ASIC2: variants seen among roughly 807,000 people sequenced by gnomAD.
The protein encoded by ASIC2 is acid sensing ion channel subunit 2.
Under a neutral mutation model 57.3 loss-of-function variants are expected in ASIC2, and 25 were observed. That is an observed-to-expected ratio of 0.44 (90% CI 0.32 to 0.61). The LOEUF is 0.61. Ranked by LOEUF, ASIC2 falls within the 20% of genes least tolerant of loss-of-function variation. ASIC2 has a pLI of 0.06. For missense variants in ASIC2, 641 were observed against 738.1 expected (o/e 0.87, Z 1.52); for synonymous variants, 319 against 307.5 (o/e 1.04, Z -0.39).
chr17:33,764,995 A>G (rs1487964076), intron 1 of ASIC2, among the ~76,000 whole-genome samples: 1 of 151,752 alleles, frequency 6.6e-6, no homozygotes, highest in African/African-American at 2.4e-5. Flanking sequence ...ATCATCATCC[A>G]GCACCCGTGT....
At chr17:34,033,025 C>A (rs1030572078) in intron 1 of ASIC2, among the ~76,000 whole-genome samples, 2 of 152,206 alleles carry the variant, frequency 1.3e-5, no homozygotes, top group African/African-American at 4.8e-5. Context: ...TTGTAGACAT[C>A]TACAGAACTC....
At chr17:33,279,000 C>T (rs760871882) in intron 1 of ASIC2, among the ~76,000 whole-genome samples, 1 of 152,142 alleles carries the variant, frequency 6.6e-6, no homozygotes, top group Non-Finnish European at 1.5e-5. Flanking sequence ...GTGAGTTTTG[C>T]GTGGTTGAAA....
At chr17:33,552,609 T>A (rs2347547) in intron 1 of ASIC2, among the ~76,000 whole-genome samples, 1 of 152,216 alleles carries the variant, frequency 6.6e-6, no homozygotes, top group Non-Finnish European at 1.5e-5. Context: ...AAGGCTGCCA[T>A]GAGTGAGGGT....
chr17:33,861,613 C>G (rs1424930398), intron 1 of ASIC2, among the ~76,000 whole-genome samples: 1 of 152,202 alleles, frequency 6.6e-6, no homozygotes, highest in African/African-American at 2.4e-5. Flanking sequence ...GACACCAGCT[C>G]AGGAACTTTG....
At chr17:33,353,966 A>G (rs1434675631) in intron 1 of ASIC2, among the ~76,000 whole-genome samples, 1 of 152,212 alleles carries the variant, frequency 6.6e-6, no homozygotes, top group African/African-American at 2.4e-5. Context: ...TAATGGACTC[A>G]CAGTTCCACA....
intron 1 of ASIC2, among the ~76,000 whole-genome samples, chr17:33,447,277 A>T (rs1447437023): frequency 7.6e-6 from 1 of 131,746 alleles, no homozygotes; most frequent in Non-Finnish European, 1.7e-5. Context: ...GCATCTGAAG[A>T]AAAGCAGAGC....
rs374323534 is a variant in ASIC2, at chr17:34,156,137, G to C, written c.396C>G (p.Ser132=). ...CCTTCTGCCGCAGGGCCTCCAGCAC[G>C]GAGGGGTCAGCCAGATGGGGGTCCG... Residue 132 remains serine (S), a synonymous_variant, in exon 1 of 10, where the codon TCC becomes TCG. Transcript: ENST00000359872. The surrounding 1 kb of genome is among the most constrained non-coding windows in gnomAD (Gnocchi z 4.4). 3.0e-5 allele frequency: 48 copies of C among 1,614,108 alleles called. No individual in the cohort carries two copies. Among genetic ancestry groups the C allele is most frequent in the Non-Finnish European group, 3.6e-5 (42 of 1,180,016 alleles).
At chr17:33,396,202 G>C (rs1910070806) in intron 1 of ASIC2, among the ~76,000 whole-genome samples, 1 of 152,220 alleles carries the variant, frequency 6.6e-6, no homozygotes, top group African/African-American at 2.4e-5. Flanking sequence ...CTTGGCCAAG[G>C]ATGTGTAGCA....
intron 3 of ASIC2, among the ~76,000 whole-genome samples, chr17:33,055,151 A>G (rs1385592689): frequency 7.2e-5 from 11 of 152,332 alleles, no homozygotes; most frequent in African/African-American, 2.6e-4. Flanking sequence ...TTACAAGCTC[A>G]AAACAGTGAG....
chr17:33,322,698 G>T (rs147202768), intron 1 of ASIC2, among the ~76,000 whole-genome samples: 44 of 152,188 alleles, frequency 2.9e-4, no homozygotes, highest in African/African-American at 1.0e-3. Flanking sequence ...GACTGATAGG[G>T]GAGATGGGTG....
intron 1 of ASIC2, among the ~76,000 whole-genome samples, chr17:33,196,037 C>T (rs762995678): frequency 3.3e-5 from 5 of 152,198 alleles, no homozygotes; most frequent in Admixed American, 6.5e-5. Context: ...GGATACCCCG[C>T]CAGTCACTTT....
chr17:33,317,674 C>T lies in ASIC2; in HGVS notation c.556-205607G>A, dbSNP rs183116715. 2.2e-3 allele frequency among the ~76,000 whole-genome samples: 339 copies of T among 152,156 alleles called. 2 individuals are homozygous for T. The highest frequency in any genetic ancestry group is 7.9e-3 in the African/African-American group (328 of 41,498). On this transcript the variant is annotated intron_variant, in intron 1 of 9. Coordinates refer to the ASIC2 transcript ENST00000359872. ...ATAAATAAGACCTCACTCTTGTAGG[C>T]AAGAAGTTTACAATCTAGTAGGGAG...
chr17:33,702,154 G>A (rs888005016), intron 1 of ASIC2, among the ~76,000 whole-genome samples: 1 of 152,210 alleles, frequency 6.6e-6, no homozygotes, highest in Non-Finnish European at 1.5e-5. Context: ...TCTTGGCTTT[G>A]AAGCATACTC....
At chr17:33,749,846 A>G (rs1293689419) in intron 1 of ASIC2, among the ~76,000 whole-genome samples, 1 of 152,114 alleles carries the variant, frequency 6.6e-6, no homozygotes, top group African/African-American at 2.4e-5. Context: ...ATTGGCAGGT[A>G]CAGGATTGGG....
rs561971090 is a variant in ASIC2 at position 34,087,233 on chromosome 17, T to C, written c.555+68745A>G. Among the ~76,000 whole-genome samples, 263 of 152,308 alleles carry C rather than the reference T, an allele frequency of 1.7e-3. 1 individual carries two copies. Among genetic ancestry groups the C allele is most frequent in the African/African-American group, 6.2e-3 (258 of 41,562 alleles). On this transcript the variant is annotated intron_variant, in intron 1 of 9. Coordinates refer to the ASIC2 transcript ENST00000359872. Reference sequence around the variant, plus strand: ...TTCAGGAGTTCTTTTAGGGCAGTCCTGGTGGTGACAAAATCTCTCAGCATT... The same window carrying C: ...TTCAGGAGTTCTTTTAGGGCAGTCCCGGTGGTGACAAAATCTCTCAGCATT...
chr17:33,032,440 G>GTTTTTTTTTTTTTTTTTTT (rs60183644), intron 3 of ASIC2, among the ~76,000 whole-genome samples: 1 of 94,118 alleles, frequency 1.1e-5, no homozygotes, highest in African/African-American at 4.7e-5. Flanking sequence ...ATAATACACT[G>GTTTTTTTTTTTTTTTTTTT]TTTTTTTTTT....
chr17:33,684,743 T>A (rs953824661), intron 1 of ASIC2, among the ~76,000 whole-genome samples: 12 of 152,004 alleles, frequency 7.9e-5, no homozygotes, highest in Admixed American at 2.0e-4. Context: ...AAGGAAAAAA[T>A]TTTTTTAATT....
intron 1 of ASIC2, among the ~76,000 whole-genome samples, chr17:33,360,576 T>C (rs1251181232): frequency 1.3e-5 from 2 of 152,242 alleles, no homozygotes; most frequent in Non-Finnish European, 2.9e-5. Flanking sequence ...TCTTCTAATA[T>C]GCAATTGTTG....
At chr17:33,751,791 T>C (rs1000493899) in intron 1 of ASIC2, among the ~76,000 whole-genome samples, 4 of 151,916 alleles carry the variant, frequency 2.6e-5, no homozygotes, top group African/African-American at 9.7e-5. Flanking sequence ...TGATGGAGGG[T>C]CAGGGGAGCT....
Sources: gnomAD v4.1 joint callset for allele counts (sites outside exome capture counted in the v4.1 genomes callset) on GRCh38, gnomAD v4.1.1 for gene constraint, Gnocchi (gnomAD v3.1) non-coding constraint, MANE v1.5 for transcripts, NCBI Gene and HGNC (gene_info 2026-07-23, HGNC 2026-07-21) for gene names.